The following GCSAM variants were observed in gnomAD, a reference collection of about 807,000 sequenced individuals.
The protein encoded by GCSAM is germinal center associated signaling and motility.
A neutral mutation model predicts 17.6 loss-of-function variants in GCSAM; 8 were observed. The ratio of observed to expected loss-of-function variants is 0.46; its 90% CI spans 0.27 to 0.82. The LOEUF is 0.82. Ranked by LOEUF, GCSAM falls within the 40% of genes least tolerant of loss-of-function variation. GCSAM has a pLI of 0.15. For missense variants in GCSAM, 192 were observed against 213.5 expected, an observed-to-expected ratio of 0.90 and a Z score of 0.63; for synonymous variants, 68 against 69.0, an observed-to-expected ratio of 0.98 and a Z score of 0.07.
intron 5 of GCSAM, 34 bp from the exon 6 acceptor site, chr3:112,123,806 G>A (rs776928113): frequency 6.3e-7 from 1 of 1,590,366 alleles, no homozygotes; most frequent in Admixed American, 1.7e-5. Flanking sequence ...ATCAAGATTT[G>A]GTCTCTTGCC....
chr3:112,122,501 G>T lies in GCSAM; in HGVS notation c.*954C>A, dbSNP rs1327808567. ...AGAAAGTAAATAATCAGGACACATA[G>T]AGGAGTGCTTATCAGAGAAGGTATA... On this transcript the variant is annotated 3_prime_UTR_variant, in exon 6 of 6. Coordinates refer to ENST00000308910, the MANE Select transcript of GCSAM (RefSeq NM_152785.5). 6.6e-6 allele frequency: 1 copy of T among 152,188 alleles called. No individual in the cohort carries two copies. Among genetic ancestry groups the T allele is most frequent in the Non-Finnish European group, 1.5e-5 (1 of 68,046 alleles). The allele number at this position is 152,188 out of a possible 1,614,324, so 9.4% of individuals were successfully genotyped here.
In GCSAM at chr3:112,128,027, A is replaced by G; in HGVS notation, c.133T>C (p.Cys45Arg). ...WDHHIAEGCFCLPWKKILIFE... is the reference protein window; with the variant it reads ...WDHHIAEGCFRLPWKKILIFE... ...CAACTGTCCACTCACCATGGAAGGCAGAAACACCCTTCAGCGATATGGTGA... is the reference window on the plus strand; with the variant it reads ...CAACTGTCCACTCACCATGGAAGGCGGAAACACCCTTCAGCGATATGGTGA... Residue 45 changes from cysteine (C) to arginine (R), a missense_variant, in exon 3 of 6, where the codon TGC (cysteine) becomes CGC (arginine). By Grantham distance (180) the Cys-to-Arg change is radical. Transcript: ENST00000308910. 6.2e-7 allele frequency: 1 copy of G among 1,613,738 alleles called. No individual in the cohort carries two copies. Among genetic ancestry groups the G allele is most frequent in the Non-Finnish European group, 8.5e-7 (1 of 1,179,668 alleles).
intron 2 of GCSAM, chr3:112,128,628 A>C (rs2074383751): frequency 1.1e-5 from 2 of 187,136 alleles, no homozygotes; most frequent in African/African-American, 2.4e-5. Context: ...TTTTCAAAAA[A>C]TATTTGATGA....
chr3:112,132,841 G>A (rs2074489662), intron 1 of GCSAM: 2 of 462,012 alleles, frequency 4.3e-6, no homozygotes, highest in Non-Finnish European at 3.6e-6. Context: ...GACCTTCCTT[G>A]GTAAAGTCTT....
intron 4 of GCSAM, 74 bp downstream of exon 4, chr3:112,126,913 G>T: frequency 9.7e-7 from 1 of 1,027,812 alleles, no homozygotes; most frequent in Non-Finnish European, 1.5e-6. Flanking sequence ...AGGGGCTTTG[G>T]GAACATAGAG....
At position 112,122,575 on chromosome 3, in the gene GCSAM, C is replaced by A. The variant is rs902900559; in HGVS notation, c.*880G>T. 2.0e-5 allele frequency: 3 copies of A among 152,224 alleles called. No homozygotes were observed. In the East Asian group the frequency reaches 5.8e-4, roughly 29 times the overall value. The allele number at this position is 152,224 out of a possible 1,614,324, so 9.4% of individuals were successfully genotyped here. On this transcript the variant is annotated 3_prime_UTR_variant, in exon 6 of 6. Coordinates refer to ENST00000308910, the MANE Select transcript of GCSAM (RefSeq NM_152785.5). ...CATTTTATTCATATTTTATACATGA[C>A]ATTATTAAATATATACATTTAGTAT...
In GCSAM at chr3:112,130,246, G is replaced by A. The variant is rs1429876698; in HGVS notation, c.98+199C>T. 6.7e-6 allele frequency: 4 copies of A among 595,922 alleles called. No individual in the cohort carries two copies. In the African/African-American group the frequency reaches 7.4e-5, roughly 11 times the overall value. 36.9% of individuals were successfully genotyped at this position (595,922 alleles called of 1,614,324 possible). Reference sequence around the variant, plus strand: ...GTTCCTGTTGCTAGGAGTTACATTAGGCTTCTAGCAAAGTAGCATATCTCC... The same window carrying A: ...GTTCCTGTTGCTAGGAGTTACATTAAGCTTCTAGCAAAGTAGCATATCTCC... On this transcript the variant is annotated intron_variant, in intron 2 of 5. Transcript: ENST00000308910.
intron 2 of GCSAM, chr3:112,130,242 A>C: frequency 1.7e-6 from 1 of 594,058 alleles, no homozygotes; most frequent in Non-Finnish European, 3.0e-6. Context: ...TAGGAGTTAC[A>C]TTAGGCTTCT....
At chr3:112,130,587 G>A (rs2074430098) in intron 1 of GCSAM, 74 bp from the exon 2 acceptor site, 4 of 1,332,378 alleles carry the variant, frequency 3.0e-6, no homozygotes, top group Non-Finnish European at 3.2e-6. Context: ...TAATTTTTCC[G>A]ACTTTCCTCA....
Position 112,122,292 on chromosome 3 carries a change from T to C in GCSAM, c.*1163A>G, listed in dbSNP as rs1423739919. The C allele has an allele frequency of 1.3e-5, 2 of 152,188 alleles. No homozygotes were observed. The highest frequency in any genetic ancestry group is 2.9e-5 in the Non-Finnish European group (2 of 68,036). 9.4% of individuals were successfully genotyped at this position (152,188 alleles called of 1,614,324 possible). On this transcript the variant is annotated 3_prime_UTR_variant, in exon 6 of 6. Transcript: ENST00000308910. ...TTAGGGCCTATGGTCCATGTCACAA[T>C]TACTCAACTCTCCCATGGTTGAACA...
chr3:112,125,175 T>C (rs529062697), intron 5 of GCSAM, 51 bp downstream of exon 5: 2 of 1,188,942 alleles, frequency 1.7e-6, no homozygotes, highest in Non-Finnish European at 2.5e-6. Context: ...ATTTAGGGTG[T>C]CTGTACTTCT....
rs1576155158 is a variant in GCSAM at position 112,121,276 on chromosome 3, A to G, written c.*2179T>C. ...CAGTGGCCATGTGAAAAATTCTAGC[A>G]TAAACTCATTGATTTGGTGTTTCTA... is the stretch of plus-strand genomic sequence containing the variant. On this transcript the variant is annotated 3_prime_UTR_variant, in exon 6 of 6. Transcript: ENST00000308910. 6.6e-6 allele frequency: 1 copy of G among 152,354 alleles called. No homozygotes were observed. Among genetic ancestry groups the G allele is most frequent in the African/African-American group, 2.4e-5 (1 of 41,582 alleles). 9.4% of individuals were successfully genotyped at this position (152,354 alleles called of 1,614,324 possible).
At position 112,123,547 on chromosome 3, in the gene GCSAM, C is replaced by T. The variant is rs2074240839; in HGVS notation, c.445G>A (p.Glu149Lys). 6.2e-7 allele frequency: 1 copy of T among 1,614,168 alleles called. No individual in the cohort carries two copies. The change falls in exon 6 of 6, where the codon GAA becomes AAA. Residue 149 changes from glutamate to lysine, a missense_variant. Transcript: ENST00000308910. ...GAGATTCTGTGAGGCATGAGAAGTT[C>T]ATATTCATCTTCTGGGGATCGGGCA... Reference protein sequence around the residue: ...RHARSPEDEYELLMPHRISSH... With the variant: ...RHARSPEDEYKLLMPHRISSH...
rs1341978998 is a variant in GCSAM at position 112,123,432 on chromosome 3, C to G, written c.*23G>C. ...CCACCTTTTATTTGTTGGTGCTAAA[C>G]AAATGCTAGTCCAGCCACTTCACTA... On this transcript the variant is annotated 3_prime_UTR_variant, in exon 6 of 6. Coordinates refer to ENST00000308910, the MANE Select transcript of GCSAM (RefSeq NM_152785.5). 3 of 1,606,342 alleles carry G rather than the reference C, an allele frequency of 1.9e-6. No individual in the cohort carries two copies. In the Admixed American group the frequency reaches 5.0e-5, roughly 27 times the overall value.
In GCSAM at chr3:112,123,781, C is replaced by G. The variant is rs1339888932; in HGVS notation, c.220-9G>C. On this transcript the variant is annotated splice_polypyrimidine_tract_variant and intron_variant, in intron 5 of 5. Transcript: ENST00000308910. ...GTCTGGTCAACATTGTCCTGCTTGT[C>G]AAAGAAGAACCATCATCAAGATTTG... 1.2e-6 allele frequency: 2 copies of G among 1,602,662 alleles called. No homozygotes were observed. Among genetic ancestry groups the G allele is most frequent in the Non-Finnish European group, 1.7e-6 (2 of 1,172,750 alleles).
Position 112,123,436 on chromosome 3 carries a change from T to C in GCSAM, c.*19A>G. 6.2e-7 allele frequency: 1 copy of C among 1,609,142 alleles called. No homozygotes were observed. The highest frequency in any genetic ancestry group is 8.5e-7 in the Non-Finnish European group (1 of 1,177,328). ...CTTTTATTTGTTGGTGCTAAACAAA[T>C]GCTAGTCCAGCCACTTCACTATAAA... On this transcript the variant is annotated 3_prime_UTR_variant, in exon 6 of 6. Transcript: ENST00000308910.
At position 112,123,173 on chromosome 3, in the gene GCSAM, G is replaced by T; in HGVS notation, c.*282C>A. 1 of 460,742 alleles carries T rather than the reference G, an allele frequency of 2.2e-6. No homozygotes were observed. The highest frequency in any genetic ancestry group is 3.9e-6 in the Non-Finnish European group (1 of 254,586). The allele number at this position is 460,742 out of a possible 1,614,324, so 28.5% of individuals were successfully genotyped here. The stretch of plus-strand genomic sequence containing the variant: ...CCCCTTGTGGTGTGCATAGCTTTAG[G>T]GGAATCAGGGAGCCCCTCCTACCAC... On this transcript the variant is annotated 3_prime_UTR_variant, in exon 6 of 6. Transcript: ENST00000308910.
chr3:112,125,336 A>T (rs1157405508), intron 4 of GCSAM, 82 bp from the exon 5 acceptor site: 1 of 967,728 alleles, frequency 1.0e-6, no homozygotes, highest in African/African-American at 1.6e-5. Flanking sequence ...GAATATAAAT[A>T]ACTAAAAAGC....
chr3:112,126,674 C>A (rs1492487), intron 4 of GCSAM, among the ~76,000 whole-genome samples: 38,742 of 152,100 alleles, frequency 0.25, 5,080 homozygotes, highest in East Asian at 0.35. Context: ...CCTCCCCTAT[C>A]CCAGGCTGGC....
Sources: allele counts gnomAD v4.1 joint callset (sites outside exome capture counted in the v4.1 genomes callset), GRCh38; gene constraint gnomAD v4.1.1; transcripts MANE v1.5; gene names NCBI Gene and HGNC (gene_info 2026-07-23, HGNC 2026-07-21).